The following ERC2 variants were observed in gnomAD, a reference collection of about 807,000 sequenced individuals.
The protein encoded by ERC2 is ERC protein 2.
Under a neutral mutation model 114.8 loss-of-function variants are expected in ERC2, and 42 were observed. The observed-to-expected ratio is 0.37, with a 90% confidence interval of 0.29 to 0.47. The LOEUF (loss-of-function observed/expected upper bound fraction) is 0.47. Among genes scored for constraint, ERC2 ranks in the 20% least tolerant of loss-of-function variants. The pLI is 0.99. For synonymous variants in ERC2, 454 were observed against 425.5 expected, an observed-to-expected ratio of 1.07 and a Z score of -0.82; for missense variants, 939 against 1,150.7, an observed-to-expected ratio of 0.82 and a Z score of 2.66.
chr3:56,168,198 G>A (rs1367077713), intron 4 of ERC2, among the ~76,000 whole-genome samples: 1 of 152,210 alleles, frequency 6.6e-6, no homozygotes, highest in African/African-American at 2.4e-5. Context: ...TTTCTCATCT[G>A]TGAATTGGGG....
At chr3:56,280,067 G>C (rs1272169030) in intron 3 of ERC2, among the ~76,000 whole-genome samples, 1 of 152,190 alleles carries the variant, frequency 6.6e-6, no homozygotes, top group East Asian at 1.9e-4. Context: ...GTTTTGATAA[G>C]AGGGAGGCAA....
rs57221447 is a variant in ERC2, at chr3:55,583,751, C to T, written c.*40-72475G>A. ...TCAGTATAGGTGATGGAACCAGCCA[C>T]GTCTGTAATGGGAAAATCCCTCTTC... On this transcript the variant is annotated intron_variant, in intron 17 of 17. Transcript: ENST00000288221. Among the ~76,000 whole-genome samples the T allele has an allele frequency of 3.8e-3, 573 of 151,696 alleles. 10 individuals carry two copies. The East Asian group carries it at 0.042, about 11-fold the overall frequency.
At position 55,873,663 on chromosome 3, in the gene ERC2, C is replaced by T. The variant is rs149281033; in HGVS notation, c.2564+14726G>A. Reference sequence around the variant, plus strand: ...CTAGTTTTCCCCTTTGATCTCTATGCTCCAGTCACACAGGCCTCCACTGAG... The same window carrying T: ...CTAGTTTTCCCCTTTGATCTCTATGTTCCAGTCACACAGGCCTCCACTGAG... On this transcript the variant is annotated intron_variant, in intron 14 of 17. Coordinates refer to ENST00000288221, the MANE Select transcript of ERC2 (RefSeq NM_015576.3). Among the ~76,000 whole-genome samples, 389 of 152,338 alleles carry T rather than the reference C, an allele frequency of 2.6e-3. 4 individuals are homozygous for T. In the East Asian group the frequency reaches 0.046, roughly 18 times the overall value.
At chr3:55,536,749 A>G (rs2054025220) in intron 17 of ERC2, among the ~76,000 whole-genome samples, 1 of 152,200 alleles carries the variant, frequency 6.6e-6, no homozygotes, top group South Asian at 2.1e-4. Context: ...CATCTTACTC[A>G]GATATCAAGA....
At chr3:56,375,882 G>C (rs1338391042) in intron 2 of ERC2, among the ~76,000 whole-genome samples, 3 of 152,220 alleles carry the variant, frequency 2.0e-5, no homozygotes, top group African/African-American at 7.2e-5. Context: ...TCTGAGGGAA[G>C]TCAGCTGTTG....
At chr3:56,398,908 C>G (rs1332134663) in intron 2 of ERC2, among the ~76,000 whole-genome samples, 2 of 152,190 alleles carry the variant, frequency 1.3e-5, no homozygotes, top group African/African-American at 4.8e-5. Context: ...CATGAGCCAC[C>G]ATGCATGGCT....
At chr3:56,256,759 T>A (rs970608870) in intron 3 of ERC2, among the ~76,000 whole-genome samples, 4 of 152,128 alleles carry the variant, frequency 2.6e-5, no homozygotes, top group Admixed American at 6.5e-5. Context: ...GTGAATGAGT[T>A]CTCATGAGAT....
At chr3:55,613,823 A>G (rs2059006572) in intron 17 of ERC2, among the ~76,000 whole-genome samples, 1 of 151,842 alleles carries the variant, frequency 6.6e-6, no homozygotes, top group African/African-American at 2.4e-5. Flanking sequence ...TCTACTAAAA[A>G]ATACAAAAAA....
chr3:56,296,774 C>T (rs1373773570), intron 2 of ERC2, among the ~76,000 whole-genome samples: 1 of 152,130 alleles, frequency 6.6e-6, no homozygotes, highest in African/African-American at 2.4e-5. Context: ...ACAAACACAC[C>T]TTCTTTATGC....
At chr3:56,041,321 G>A (rs2075179961) in intron 7 of ERC2, among the ~76,000 whole-genome samples, 2 of 152,110 alleles carry the variant, frequency 1.3e-5, no homozygotes, top group African/African-American at 4.8e-5. Flanking sequence ...CCGGGTCACT[G>A]ATATCACTGC....
intron 14 of ERC2, among the ~76,000 whole-genome samples, chr3:55,865,331 T>G (rs1422523760): frequency 6.6e-6 from 1 of 152,202 alleles, no homozygotes; most frequent in Non-Finnish European, 1.5e-5. Context: ...GAGGCTGTGA[T>G]CTGATATTTC....
intron 14 of ERC2, among the ~76,000 whole-genome samples, chr3:55,775,944 G>T (rs981244770): frequency 1.3e-5 from 2 of 152,126 alleles, no homozygotes; most frequent in Non-Finnish European, 2.9e-5. Context: ...TCCTCATCTG[G>T]CCATGAGCTG....
intron 1 of ERC2, among the ~76,000 whole-genome samples, chr3:56,440,871 A>T (rs1173129743): frequency 6.6e-6 from 1 of 152,196 alleles, no homozygotes; most frequent in African/African-American, 2.4e-5. Flanking sequence ...TTTTTATAAC[A>T]CAAGATTTTT....
chr3:55,954,141 G>GA (rs571121832), intron 12 of ERC2, among the ~76,000 whole-genome samples: 714 of 49,800 alleles, frequency 0.014, 5 homozygotes, highest in African/African-American at 0.037. Context: ...TTTTTCTCCA[G>GA]AAAAAAAAAA....
intron 13 of ERC2, among the ~76,000 whole-genome samples, chr3:55,902,929 A>C (rs1395407576): frequency 6.6e-6 from 1 of 152,194 alleles, no homozygotes; most frequent in Admixed American, 6.5e-5. Context: ...ACCAAAGTAC[A>C]CATCCTGATG....
intron 14 of ERC2, among the ~76,000 whole-genome samples, chr3:55,785,710 G>C (rs902578006): frequency 2.0e-5 from 3 of 152,162 alleles, no homozygotes; most frequent in African/African-American, 4.8e-5. Context: ...GCCTCTACTT[G>C]GGGTCGATTC....
chr3:56,086,567 G>A (rs2077514401), intron 6 of ERC2, among the ~76,000 whole-genome samples: 1 of 151,350 alleles, frequency 6.6e-6, no homozygotes, highest in East Asian at 1.9e-4. Flanking sequence ...CCAGTGTGCA[G>A]TAAGCAAGTA....
intron 3 of ERC2, among the ~76,000 whole-genome samples, chr3:56,174,363 T>C (rs2082853848): frequency 6.6e-6 from 1 of 152,220 alleles, no homozygotes; most frequent in South Asian, 2.1e-4. Flanking sequence ...AGATCACACT[T>C]GGATTTTCTT....
intron 15 of ERC2, among the ~76,000 whole-genome samples, chr3:55,730,385 A>G (rs1434182605): frequency 6.6e-6 from 1 of 152,232 alleles, no homozygotes; most frequent in Non-Finnish European, 1.5e-5. Flanking sequence ...TTGGTTGATT[A>G]TAAGGAAAAA....
Sources: allele counts gnomAD v4.1 joint callset (sites outside exome capture counted in the v4.1 genomes callset), GRCh38; gene constraint gnomAD v4.1.1; transcripts MANE v1.5; gene names NCBI Gene and HGNC (gene_info 2026-07-23, HGNC 2026-07-21).